PTPRD: variants seen among roughly 807,000 people sequenced by gnomAD.
The protein encoded by PTPRD is protein tyrosine phosphatase receptor type D.
A neutral mutation model predicts 214.5 loss-of-function variants in PTPRD; 34 were observed. The ratio of observed to expected loss-of-function variants is 0.16; its 90% CI spans 0.12 to 0.21. PTPRD has a LOEUF of 0.21. PTPRD is among the 10% of genes least tolerant of loss of function. The probability of loss-of-function intolerance (pLI) is 1.00; values close to 1 mark genes in which losing one functional copy is unlikely to be tolerated. For synonymous variants in PTPRD, 1,128 were observed against 845.7 expected, an observed-to-expected ratio of 1.33 and a Z score of -5.79; for missense variants, 2,545 against 2,398.7, an observed-to-expected ratio of 1.06 and a Z score of -1.27.
intron 14 of PTPRD, among the ~76,000 whole-genome samples, chr9:8,550,333 C>G (rs2081646280): frequency 6.6e-6 from 1 of 152,004 alleles, no homozygotes; most frequent in Non-Finnish European, 1.5e-5. Context: ...ATGTATGGCA[C>G]TCAAAAGTAG....
chr9:9,232,846 T>G (rs1378156793), intron 9 of PTPRD, among the ~76,000 whole-genome samples: 1 of 152,058 alleles, frequency 6.6e-6, no homozygotes, highest in Non-Finnish European at 1.5e-5. Context: ...TTGAAGCAAG[T>G]CACAGAAACC....
chr9:10,348,306 A>G (rs2097124954), intron 2 of PTPRD, among the ~76,000 whole-genome samples: 1 of 152,148 alleles, frequency 6.6e-6, no homozygotes. Context: ...CTACTTTCTC[A>G]ATATGAAATG....
chr9:10,373,963 T>G (rs1170645792), intron 2 of PTPRD, among the ~76,000 whole-genome samples: 1 of 152,096 alleles, frequency 6.6e-6, no homozygotes, highest in Non-Finnish European at 1.5e-5. Flanking sequence ...CAGGCATATC[T>G]ACCTGGTTGG....
intron 10 of PTPRD, among the ~76,000 whole-genome samples, chr9:9,066,430 A>C (rs187939776): frequency 2.0e-5 from 3 of 152,284 alleles, no homozygotes; most frequent in Admixed American, 2.0e-4. Flanking sequence ...CTTTTAATTA[A>C]ATTTTCAAAT....
chr9:10,365,133 A>G (rs979232647), intron 2 of PTPRD, among the ~76,000 whole-genome samples: 2 of 152,140 alleles, frequency 1.3e-5, no homozygotes, highest in Non-Finnish European at 2.9e-5. Flanking sequence ...TCTTTGGACT[A>G]TTGTGGTACC....
intron 11 of PTPRD, among the ~76,000 whole-genome samples, chr9:8,773,331 C>G (rs752310829): frequency 6.6e-6 from 1 of 152,150 alleles, no homozygotes; most frequent in African/African-American, 2.4e-5. Flanking sequence ...CCCAGACACT[C>G]GGCCCCATCT....
intron 11 of PTPRD, among the ~76,000 whole-genome samples, chr9:8,748,926 A>T (rs1053397677): frequency 6.6e-6 from 1 of 152,110 alleles, no homozygotes; most frequent in African/African-American, 2.4e-5. Flanking sequence ...AAGAAAATTC[A>T]TCATTTTCTA....
chr9:9,736,939 C>T (rs1448619190), intron 6 of PTPRD, among the ~76,000 whole-genome samples: 4 of 151,988 alleles, frequency 2.6e-5, no homozygotes, highest in African/African-American at 7.2e-5. Context: ...AATTTTAATG[C>T]AGTCCTATTG....
chr9:8,745,784 TTCTCTCTCTC>T (rs60391748), intron 11 of PTPRD, among the ~76,000 whole-genome samples: 15 of 148,714 alleles, frequency 1.0e-4, no homozygotes, highest in African/African-American at 2.0e-4. Context: ...TTTATGGAGT[TTCTCTCTCTC>T]TCTCTCTCTC....
At chr9:10,216,034 T>G (rs1010501435) in intron 3 of PTPRD, among the ~76,000 whole-genome samples, 1 of 151,972 alleles carries the variant, frequency 6.6e-6, no homozygotes, top group African/African-American at 2.4e-5. Flanking sequence ...TTAATACCAA[T>G]TTTAGGAAAA....
intron 3 of PTPRD, among the ~76,000 whole-genome samples, chr9:10,161,350 A>G (rs2099126075): frequency 1.3e-5 from 2 of 152,050 alleles, no homozygotes; most frequent in Non-Finnish European, 1.5e-5. Context: ...AACCAGACAC[A>G]TACATCAATG....
chr9:8,341,354 C>A (rs1852261148), intron 40 of PTPRD, 86 bp from the exon 41 acceptor site: 4 of 1,368,258 alleles, frequency 2.9e-6, no homozygotes, highest in Admixed American at 2.4e-5. Context: ...CCAGATTTCC[C>A]TTTTAGATAT....
chr9:10,587,173 G>T (rs760940171), intron 2 of PTPRD, among the ~76,000 whole-genome samples: 74 of 152,044 alleles, frequency 4.9e-4, no homozygotes, highest in Non-Finnish European at 9.1e-4. Context: ...ACAAGTCAAA[G>T]AAGCTGACAG....
chr9:9,288,266 C>A (rs1950116114), intron 9 of PTPRD, among the ~76,000 whole-genome samples: 1 of 151,728 alleles, frequency 6.6e-6, no homozygotes, highest in Admixed American at 6.6e-5. Flanking sequence ...CATATTTATT[C>A]AGTATATTAT....
Position 9,925,920 on chromosome 9 carries a change from C to T in PTPRD, c.-368+12587G>A, listed in dbSNP as rs534304527. Among the ~76,000 whole-genome samples the T allele has an allele frequency of 2.6e-5, 4 of 152,240 alleles. 1 individual carries two copies. The South Asian group carries it at 8.3e-4, about 32-fold the overall frequency. ...CATGGCTTACTGTAGCTTTGAACTC[C>T]TGGGCTAAAGAGATCCTCCCACCTC... On this transcript the variant is annotated intron_variant, in intron 5 of 45. Transcript: ENST00000381196.
intron 2 of PTPRD, among the ~76,000 whole-genome samples, chr9:10,476,163 G>C (rs188600658): frequency 2.0e-5 from 3 of 152,048 alleles, no homozygotes; most frequent in Non-Finnish European, 4.4e-5. Context: ...GAAATAAAGG[G>C]TATTCAAATG....
chr9:8,364,249 C>T (rs1257234347), intron 39 of PTPRD, among the ~76,000 whole-genome samples: 1 of 152,194 alleles, frequency 6.6e-6, no homozygotes, highest in Non-Finnish European at 1.5e-5. Flanking sequence ...AGGTCATTTA[C>T]ATTACGTTAA....
chr9:10,173,340 G>T (rs1368057302), intron 3 of PTPRD, among the ~76,000 whole-genome samples: 1 of 152,026 alleles, frequency 6.6e-6, no homozygotes, highest in African/African-American at 2.4e-5. Flanking sequence ...ATTGGCTAAG[G>T]TATTATTTTT....
chr9:10,412,379 C>T (rs1317942450), intron 2 of PTPRD, among the ~76,000 whole-genome samples: 3 of 151,558 alleles, frequency 2.0e-5, no homozygotes, highest in African/African-American at 7.3e-5. Flanking sequence ...AATTGATTCC[C>T]TGAACAGACC....
Sources: allele counts gnomAD v4.1 joint callset (sites outside exome capture counted in the v4.1 genomes callset), GRCh38; gene constraint gnomAD v4.1.1; transcripts MANE v1.5; gene names NCBI Gene and HGNC (gene_info 2026-07-23, HGNC 2026-07-21).